ARAP1: variants seen among roughly 807,000 people sequenced by gnomAD.
ARAP1 encodes the protein ArfGAP with RhoGAP domain, ankyrin repeat and PH domain 1.
A neutral mutation model predicts 172.2 loss-of-function variants in ARAP1; 76 were observed. That is an observed-to-expected ratio of 0.44 (90% CI 0.37 to 0.53). The LOEUF (loss-of-function observed/expected upper bound fraction) is 0.53. ARAP1 is among the 20% of genes least tolerant of loss of function. The pLI, the probability that ARAP1 is intolerant of heterozygous loss-of-function variation, is 0.00. For synonymous variants in ARAP1, 804 were observed against 803.3 expected, an observed-to-expected ratio of 1.00 and a Z score of -0.01; for missense variants, 1,686 against 1,977.5, an observed-to-expected ratio of 0.85 and a Z score of 2.80.
rs755514895 is a variant in ARAP1, at chr11:72,693,813, G to C, written c.3695-8C>G. ...CAAAGTGCAGGGGGCGCTCTGGGGA[G>C]AGGTCACACCTACCGTCACTGGGAC... On this transcript the variant is annotated splice_region_variant and splice_polypyrimidine_tract_variant and intron_variant, in intron 27 of 34. Coordinates refer to ENST00000393609, the MANE Select transcript of ARAP1 (RefSeq NM_001040118.3). This position sits in a 1 kb window ranked among gnomAD's most constrained non-coding sequence, Gnocchi z 4.6. 6.9e-6 allele frequency: 11 copies of C among 1,589,060 alleles called. No homozygotes were observed. Among genetic ancestry groups the C allele is most frequent in the Non-Finnish European group, 9.4e-6 (11 of 1,168,938 alleles).
At chr11:72,730,495 G>A (rs896903494) in intron 2 of ARAP1, among the ~76,000 whole-genome samples, 1 of 152,150 alleles carries the variant, frequency 6.6e-6, no homozygotes. Context: ...TCAGGAATTC[G>A]AGACCAGTCT....
Position 72,727,091 on chromosome 11 carries a change from T to G in ARAP1, c.38A>C (p.Glu13Ala). The G allele has an allele frequency of 6.3e-7, 1 of 1,596,684 alleles. No homozygotes were observed. Among genetic ancestry groups the G allele is most frequent in the Non-Finnish European group, 8.6e-7 (1 of 1,167,694 alleles). Residue 13 changes from glutamate to alanine, a missense_variant, in exon 3 of 35, where the codon GAG becomes GCG. Physicochemically the swap from Glu to Ala is moderately radical, Grantham distance 107 (BLOSUM62 -1). Transcript: ENST00000393609. Reference protein sequence around the residue: ...EAGDAALSVAEWLRALHLEQY... With the variant: ...EAGDAALSVAAWLRALHLEQY... ...CTCCAGGTGCAATGCCCGCAGCCAC[T>G]CGGCCACCGATAGCGCAGCATCCCC...
At position 72,745,176 on chromosome 11, in the gene ARAP1, TTC is replaced by T. The variant is rs891341616; in HGVS notation, c.-128+7150_-128+7151del. 4.1e-4 allele frequency among the ~76,000 whole-genome samples: 59 copies of T among 144,472 alleles called. No individual in the cohort carries two copies. In the South Asian group the frequency reaches 0.012, roughly 30 times the overall value. 94.8% of individuals were successfully genotyped at this position (144,472 alleles called of 152,430 possible). Reference sequence around the variant, plus strand: ...TGCAAACCCACACAGCAGCCCAAGTTTCTTTCTTTTTTTTTTTTTTTTTTTTT... The same window carrying T: ...TGCAAACCCACACAGCAGCCCAAGTTTTTCTTTTTTTTTTTTTTTTTTTTT... On this transcript the variant is annotated intron_variant, in intron 1 of 34. Transcript: ENST00000393609.
At chr11:72,694,589 C>T (rs1471900619) in intron 27 of ARAP1, among the ~76,000 whole-genome samples, 1 of 152,124 alleles carries the variant, frequency 6.6e-6, no homozygotes, top group African/African-American at 2.4e-5. Context: ...ACTAATGCCT[C>T]CGTCCCACAC....
At chr11:72,736,873 T>C (rs1249956178) in intron 1 of ARAP1, among the ~76,000 whole-genome samples, 1 of 152,170 alleles carries the variant, frequency 6.6e-6, no homozygotes, top group East Asian at 1.9e-4. Flanking sequence ...GTCAGTGACA[T>C]ACCCCAACCC....
intron 32 of ARAP1, 32 bp downstream of exon 32, chr11:72,687,656 G>C: frequency 6.2e-7 from 1 of 1,613,962 alleles, no homozygotes; most frequent in Non-Finnish European, 8.5e-7. Context: ...TCTTTCCTCA[G>C]CCTGGGATCT....
At position 72,703,993 on chromosome 11, in the gene ARAP1, G is replaced by A; in HGVS notation, c.1992+159C>T. Reference sequence around the variant, plus strand: ...CCTGCATGGCCAGAACTTTTCACATGGCTTAGGCAGGGCCCTTCTGCCCTC... The same window carrying A: ...CCTGCATGGCCAGAACTTTTCACATAGCTTAGGCAGGGCCCTTCTGCCCTC... On this transcript the variant is annotated intron_variant, in intron 14 of 34. Transcript: ENST00000393609. 3.0e-6 allele frequency: 3 copies of A among 986,236 alleles called. No homozygotes were observed. The South Asian group carries it at 5.0e-5, about 16-fold the overall frequency. 61.1% of individuals were successfully genotyped at this position (986,236 alleles called of 1,614,324 possible).
At chr11:72,722,333 C>T in intron 3 of ARAP1, 2 of 985,540 alleles carry the variant, frequency 2.0e-6, no homozygotes, top group East Asian at 1.1e-4. Context: ...CACACACTTC[C>T]TGAAAACACT....
intron 3 of ARAP1, among the ~76,000 whole-genome samples, chr11:72,721,370 G>A (rs1393644336): frequency 6.6e-6 from 1 of 152,186 alleles, no homozygotes; most frequent in Admixed American, 6.5e-5. Context: ...CTGGGGGTGA[G>A]AGGTTCAGAA....
At chr11:72,751,319 A>C (rs1229399354) in intron 1 of ARAP1, among the ~76,000 whole-genome samples, 1 of 152,148 alleles carries the variant, frequency 6.6e-6, no homozygotes, top group Non-Finnish European at 1.5e-5. Context: ...GACTTTGCAC[A>C]AGCTACGCCC....
At position 72,722,880 on chromosome 11, in the gene ARAP1, G is replaced by A. The variant is rs61894163; in HGVS notation, c.509+3740C>T. On this transcript the variant is annotated intron_variant, in intron 3 of 34. Coordinates refer to ENST00000393609, the MANE Select transcript of ARAP1 (RefSeq NM_001040118.3). Reference sequence around the variant, plus strand: ...CAGGGCTCATGTCTGCGGCATTTAAGAGCTGAGTAGACCTGACCTGAAGCC... The same window carrying A: ...CAGGGCTCATGTCTGCGGCATTTAAAAGCTGAGTAGACCTGACCTGAAGCC... 9.3e-3 allele frequency among the ~76,000 whole-genome samples: 1,412 copies of A among 152,288 alleles called. 20 individuals carry two copies. The highest frequency in any genetic ancestry group is 0.015 in the Non-Finnish European group (998 of 68,028).
chr11:72,738,960 T>C (rs772222981), intron 1 of ARAP1, among the ~76,000 whole-genome samples: 5 of 151,932 alleles, frequency 3.3e-5, no homozygotes, highest in Admixed American at 6.5e-5. Flanking sequence ...TACCTCTGCA[T>C]AGGGCCTCTT....
rs1245270660 is a variant in ARAP1, at chr11:72,704,317, C to G, written c.1827G>C (p.Gly609=). ...ETLIELFLQL[G]NGAGNRFWAA... The stretch of plus-strand genomic sequence containing the variant: ...CCCAGAAGCGGTTCCCAGCGCCATT[C>G]CCCAGCTGTAAGAAGAGCTGTGGGG... Residue 609 remains glycine, a synonymous_variant, in exon 14 of 35, where the codon GGG becomes GGC. Coordinates refer to ENST00000393609, the MANE Select transcript of ARAP1 (RefSeq NM_001040118.3). 6 of 1,595,002 alleles carry G rather than the reference C, an allele frequency of 3.8e-6. No individual in the cohort carries two copies. In the Admixed American group the frequency reaches 8.6e-5, roughly 23 times the overall value.
At chr11:72,711,702 T>TTC (rs1410504783) in intron 7 of ARAP1, among the ~76,000 whole-genome samples, 43 of 148,776 alleles carry the variant, frequency 2.9e-4, no homozygotes, top group African/African-American at 9.9e-4. Flanking sequence ...CTCTTTTTTT[T>TTC]TTTTTTTTTT....
chr11:72,711,438 T>C lies in ARAP1; in HGVS notation c.1084A>G (p.Ser362Gly), dbSNP rs1412368759. 1.2e-6 allele frequency: 2 copies of C among 1,612,568 alleles called. No homozygotes were observed. Among genetic ancestry groups the C allele is most frequent in the Non-Finnish European group, 1.7e-6 (2 of 1,178,684 alleles). ...ACTGATGCAGGCCTCACCTTGTTAC[T>C]GTCAAAGTATCGCAGGTGATCAGTA... ...LDTDHLRYFDSNKDAYSKRFI... is the reference protein window; with the variant it reads ...LDTDHLRYFDGNKDAYSKRFI... The change falls in exon 8 of 35, where the codon AGT becomes GGT. Residue 362 changes from serine to glycine, a missense_variant. Ser to Gly is a moderately conservative substitution (Grantham distance 56). This residue lies in a region of ARAP1 where 688 missense variants were observed against 856.9 expected (regional missense o/e 0.80). Transcript: ENST00000393609.
rs1856487776 is a variant in ARAP1 at position 72,701,635 on chromosome 11, G to A, written c.2302+14C>T. The A allele has an allele frequency of 5.6e-6, 9 of 1,610,426 alleles. No homozygotes were observed. Among genetic ancestry groups the A allele is most frequent in the Non-Finnish European group, 6.8e-6 (8 of 1,178,580 alleles). The stretch of plus-strand genomic sequence containing the variant: ...GATGCCATGGGCTAAAGCAGAGTCT[G>A]GGGTGGCACCCACCTTCCCGGGCCC... On this transcript the variant is annotated intron_variant, in intron 16 of 34. Coordinates refer to ENST00000393609, the MANE Select transcript of ARAP1 (RefSeq NM_001040118.3).
chr11:72,693,945 A>T lies in ARAP1; in HGVS notation c.3695-140T>A. On this transcript the variant is annotated intron_variant, in intron 27 of 34. Transcript: ENST00000393609. This position sits in a 1 kb window ranked among gnomAD's most constrained non-coding sequence, Gnocchi z 4.6. The stretch of plus-strand genomic sequence containing the variant: ...TGCCACGACACAAAACACCACCATC[A>T]TGACCACCCTTCCCATGACCAAGCT... The T allele has an allele frequency of 1.5e-6, 1 of 651,672 alleles. No homozygotes were observed. The highest frequency in any genetic ancestry group is 2.6e-6 in the Non-Finnish European group (1 of 384,868). 40.4% of individuals were successfully genotyped at this position (651,672 alleles called of 1,614,324 possible).
At chr11:72,751,999 A>C (rs1858545179) in intron 1 of ARAP1, among the ~76,000 whole-genome samples, 1 of 152,218 alleles carries the variant, frequency 6.6e-6, no homozygotes, top group Admixed American at 6.5e-5. Flanking sequence ...TAAAGGTCTC[A>C]GCGGCCAACG....
chr11:72,688,957 G>A lies in ARAP1; in HGVS notation c.3988-420C>T, dbSNP rs1194605461. ...CGAGCGGGTGTGATCAGAGAGCCTC[G>A]GTTGGCTGCCTGTGTCTATGTTCAT... On this transcript the variant is annotated intron_variant, in intron 30 of 34. Transcript: ENST00000393609. The A allele has an allele frequency of 3.0e-5, 5 of 168,354 alleles. No individual in the cohort carries two copies. In the South Asian group the frequency reaches 5.7e-4, roughly 19 times the overall value. The allele number at this position is 168,354 out of a possible 1,614,324, so 10.4% of individuals were successfully genotyped here.
Sources: allele counts gnomAD v4.1 joint callset (sites outside exome capture counted in the v4.1 genomes callset), GRCh38; gene constraint gnomAD v4.1.1; regional missense constraint gnomAD v4.1.1; non-coding constraint Gnocchi (gnomAD v3.1); transcripts MANE v1.5; gene names NCBI Gene and HGNC (gene_info 2026-07-23, HGNC 2026-07-21).